Variants in GFPT1 observed in about 807,000 individuals in gnomAD.
GFPT1 encodes glutamine--fructose-6-phosphate aminotransferase [isomerizing] 1.
Under a neutral mutation model 92.0 loss-of-function variants are expected in GFPT1, and 40 were observed. The ratio of observed to expected loss-of-function variants is 0.43; its 90% confidence interval spans 0.34 to 0.57. The LOEUF is 0.57. Ranked by LOEUF, GFPT1 falls within the 20% of genes least tolerant of loss-of-function variation. GFPT1 has a pLI of 0.02. For missense variants in GFPT1, 448 were observed against 869.1 expected (o/e 0.52, Z 6.09); for synonymous variants, 269 against 280.6 (o/e 0.96, Z 0.41).
At chr2:69,378,066 C>T (rs1277958055) in intron 1 of GFPT1, among the ~76,000 whole-genome samples, 5 of 152,100 alleles carry the variant, frequency 3.3e-5, no homozygotes, top group Admixed American at 6.6e-5. Context: ...CCAAGGCTGG[C>T]GCCATCTCAG....
intron 15 of GFPT1, among the ~76,000 whole-genome samples, chr2:69,331,556 T>C (rs1670663516): frequency 1.3e-5 from 2 of 152,158 alleles, no homozygotes; most frequent in Admixed American, 1.3e-4. Context: ...AGTAAGAAAT[T>C]TGCATTTTTG....
chr2:69,383,900 T>C (rs1368940142), intron 1 of GFPT1, among the ~76,000 whole-genome samples: 2 of 152,212 alleles, frequency 1.3e-5, no homozygotes, highest in Admixed American at 6.5e-5. Flanking sequence ...AGTGCTGGGA[T>C]TGCAGGCGTG....
chr2:69,374,799 A>T (rs191475191), intron 1 of GFPT1, among the ~76,000 whole-genome samples: 32 of 152,354 alleles, frequency 2.1e-4, no homozygotes, highest in Non-Finnish European at 3.4e-4. Context: ...TGTACCAATG[A>T]GATTAATTTT....
At chr2:69,358,502 T>C (rs1558761192) in intron 5 of GFPT1, 39 bp from the exon 6 acceptor site, 2 of 1,399,508 alleles carry the variant, frequency 1.4e-6, no homozygotes, top group South Asian at 1.2e-5. Context: ...ATTAAAGAAA[T>C]ATTAATGATA....
rs1214026028 is a variant in GFPT1, at chr2:69,348,170, C to T, written c.1009+1G>A. ...AGCTATAACATGACAAAAACTTTCA[C>T]CCTTCATGATCTGCTGGAGTTCCAT... On this transcript the variant is annotated splice_donor_variant, in intron 11 of 19. Transcript: ENST00000357308. LOFTEE classifies it high-confidence loss of function. 1 of 1,611,700 alleles carries T rather than the reference C, an allele frequency of 6.2e-7. No homozygotes were observed. The highest frequency in any genetic ancestry group is 8.5e-7 in the Non-Finnish European group (1 of 1,177,936).
rs553191442 is a variant in GFPT1 at position 69,372,095 on chromosome 2, G to A, written c.115+1911C>T. Among the ~76,000 whole-genome samples, 608 of 151,044 alleles carry A rather than the reference G, an allele frequency of 4.0e-3. 4 individuals carry two copies. Among genetic ancestry groups the A allele is most frequent in the Non-Finnish European group, 6.1e-3 (411 of 67,842 alleles). The stretch of plus-strand genomic sequence containing the variant: ...GGCACCTGTAATCCCAGCTACTCAG[G>A]AGGGTGAGGCAGGAGAATTGCTTGA... On this transcript the variant is annotated intron_variant, in intron 2 of 19. Transcript: ENST00000357308.
chr2:69,363,154 TG>T (rs1671517636), intron 4 of GFPT1, among the ~76,000 whole-genome samples: 1 of 152,128 alleles, frequency 6.6e-6, no homozygotes, highest in East Asian at 1.9e-4. Context: ...TGGAGGGCAA[TG>T]GCATGAGGTG....
chr2:69,375,092 A>G (rs1440487683), intron 1 of GFPT1, among the ~76,000 whole-genome samples: 1 of 152,208 alleles, frequency 6.6e-6, no homozygotes, highest in African/African-American at 2.4e-5. Flanking sequence ...GTAACAAAAC[A>G]CAGGTAAAGG....
chr2:69,374,175 A>T, intron 1 of GFPT1, 62 bp from the exon 2 acceptor site: 2 of 801,368 alleles, frequency 2.5e-6, no homozygotes, highest in Non-Finnish European at 4.3e-6. Context: ...TAGCATAATT[A>T]TGTCAAGTAT....
Position 69,370,052 on chromosome 2 carries a change from G to A in GFPT1, c.172C>T (p.Gln58Ter). 6.2e-7 allele frequency: 1 copy of A among 1,610,198 alleles called. No homozygotes were observed. Among genetic ancestry groups the A allele is most frequent in the Non-Finnish European group, 8.5e-7 (1 of 1,176,590 alleles). Residue 58 changes from glutamine (Q) to a stop codon, truncating the protein, a stop_gained, in exon 3 of 20, where the codon CAG becomes TAG. Coordinates refer to ENST00000357308, the MANE Select transcript of GFPT1 (RefSeq NM_001244710.2). LOFTEE classifies it high-confidence loss of function. ...KDWEANACKI[Q>*]LIKKKGKVKA... ...ACTTTTCCTTTCTTCTTAATAAGCT[G>A]GATTTTGCAGGCATTGGCTTCCCAA...
chr2:69,353,205 G>A (rs1289237396), intron 9 of GFPT1, among the ~76,000 whole-genome samples: 1 of 152,064 alleles, frequency 6.6e-6, no homozygotes, highest in Admixed American at 6.6e-5. Flanking sequence ...AGAACAGCCT[G>A]GGCAATATAG....
chr2:69,362,766 C>T (rs1368179495), intron 4 of GFPT1, among the ~76,000 whole-genome samples: 3 of 151,850 alleles, frequency 2.0e-5, no homozygotes, highest in Non-Finnish European at 4.4e-5. Context: ...CACTGCACTC[C>T]AGCCTGGGCG....
intron 4 of GFPT1, among the ~76,000 whole-genome samples, chr2:69,362,571 G>A (rs1671501174): frequency 6.6e-6 from 1 of 152,122 alleles, no homozygotes; most frequent in Non-Finnish European, 1.5e-5. Context: ...GCTGAGGTGG[G>A]CGGATCACAA....
intron 5 of GFPT1, among the ~76,000 whole-genome samples, 200 bp downstream of exon 5, chr2:69,359,068 A>G (rs1671408322): frequency 6.6e-6 from 1 of 152,212 alleles, no homozygotes; most frequent in Non-Finnish European, 1.5e-5. Context: ...AATGCTAATC[A>G]TTTCCTTTTC....
intron 11 of GFPT1, 90 bp from the exon 12 acceptor site, chr2:69,346,089 G>T: frequency 1.3e-6 from 1 of 776,038 alleles, no homozygotes; most frequent in Non-Finnish European, 2.3e-6. Context: ...ATATAATCTT[G>T]GTAAATAAAA....
intron 15 of GFPT1, among the ~76,000 whole-genome samples, chr2:69,337,597 C>T (rs950025176): frequency 3.3e-5 from 5 of 151,970 alleles, no homozygotes; most frequent in African/African-American, 4.8e-5. Flanking sequence ...GGGCAGTAAG[C>T]GATAGACAAG....
intron 11 of GFPT1, 129 bp from the exon 12 acceptor site, chr2:69,346,128 A>G: frequency 1.5e-6 from 1 of 667,040 alleles, no homozygotes; most frequent in Non-Finnish European, 2.7e-6. Flanking sequence ...AATAGACATG[A>G]CTGCCTAAAA....
rs67434964 is a variant in GFPT1 at position 69,356,741 on chromosome 2, AT to A, written c.544-185del. On this transcript the variant is annotated intron_variant, in intron 6 of 19. Transcript: ENST00000357308. The stretch of plus-strand genomic sequence containing the variant: ...AAGCTTTGGTGTATCCAAGACCCAC[AT>A]TTTTTTTTTTTTTTGAGATGGAGTC... Among the ~76,000 whole-genome samples, 90,865 of 143,146 alleles carry A rather than the reference AT, an allele frequency of 0.63. 29,049 individuals are homozygous for A. Among genetic ancestry groups the A allele is most frequent in the African/African-American group, 0.81 (31,399 of 38,792 alleles). 93.9% of individuals were successfully genotyped at this position (143,146 alleles called of 152,430 possible). A position where few individuals can be genotyped will look rare whatever the true frequency, so the allele number is the denominator to read the frequency against.
intron 2 of GFPT1, among the ~76,000 whole-genome samples, chr2:69,372,185 T>G: frequency 7.5e-5 from 9 of 120,762 alleles, no homozygotes; most frequent in Admixed American, 2.0e-4. Flanking sequence ...TGTGACAGAG[T>G]GAGACTCCAT....
Sources: allele counts gnomAD v4.1 joint callset (sites outside exome capture counted in the v4.1 genomes callset), GRCh38; gene constraint gnomAD v4.1.1; transcripts MANE v1.5; gene names NCBI Gene and HGNC (gene_info 2026-07-23, HGNC 2026-07-21).